FIG4: variants seen among roughly 807,000 people sequenced by gnomAD.
FIG4 encodes polyphosphoinositide phosphatase.
In FIG4, 112 loss-of-function variants were observed where a neutral mutation model predicts 118.6. That is an observed-to-expected ratio of 0.94 (90% confidence interval 0.81 to 1.11). The LOEUF is 1.11. Among genes scored for constraint, FIG4 ranks in the 50% least tolerant of loss-of-function variants. The pLI is 0.00. For missense variants in FIG4, 969 were observed against 1,111.7 expected (o/e 0.87, Z 1.83); for synonymous variants, 369 against 381.2 (o/e 0.97, Z 0.37).
intron 1 of FIG4, among the ~76,000 whole-genome samples, chr6:109,710,689 T>C (rs1271485406): frequency 1.3e-5 from 2 of 152,212 alleles, no homozygotes; most frequent in Admixed American, 1.3e-4. Context: ...ATTGAGTTTC[T>C]TCTTGGTTCA....
chr6:109,758,714 C>A (rs891869853), intron 10 of FIG4, among the ~76,000 whole-genome samples: 2 of 152,158 alleles, frequency 1.3e-5, no homozygotes, highest in African/African-American at 2.4e-5. Context: ...CTCCATCTCA[C>A]AAAGGGCTAC....
intron 9 of FIG4, 73 bp downstream of exon 9, chr6:109,743,345 T>C (rs1776384287): frequency 1.4e-6 from 2 of 1,459,006 alleles, no homozygotes; most frequent in East Asian, 2.3e-5. Flanking sequence ...GTCACAGAAA[T>C]CTCATAAATG....
At chr6:109,783,422 C>T (rs1175935182) in intron 16 of FIG4, among the ~76,000 whole-genome samples, 6 of 152,194 alleles carry the variant, frequency 3.9e-5, no homozygotes, top group Non-Finnish European at 7.3e-5. Flanking sequence ...CTTGTAGAGA[C>T]GCTCTAGCGC....
At chr6:109,712,108 T>A (rs2128380690) in intron 1 of FIG4, among the ~76,000 whole-genome samples, 1 of 152,354 alleles carries the variant, frequency 6.6e-6, no homozygotes, top group South Asian at 2.1e-4. Context: ...CTTTTAGGGC[T>A]TCAGCTGAGA....
At chr6:109,708,926 CTT>C (rs1775173930) in intron 1 of FIG4, among the ~76,000 whole-genome samples, 1 of 152,056 alleles carries the variant, frequency 6.6e-6, no homozygotes, top group African/African-American at 2.4e-5. Context: ...TGTTTACTCT[CTT>C]GATAGTTTAT....
At chr6:109,775,925 T>A (rs1777604090) in intron 15 of FIG4, among the ~76,000 whole-genome samples, 1 of 152,214 alleles carries the variant, frequency 6.6e-6, no homozygotes, top group Admixed American at 6.5e-5. Flanking sequence ...CTATAACTGT[T>A]GGAAGAAAAT....
chr6:109,793,183 A>G (rs936399365), intron 21 of FIG4, among the ~76,000 whole-genome samples: 13 of 152,248 alleles, frequency 8.5e-5, no homozygotes, highest in Non-Finnish European at 1.6e-4. Flanking sequence ...TGCACTGCTC[A>G]TATGTAAACT....
intron 22 of FIG4, among the ~76,000 whole-genome samples, chr6:109,805,630 G>A (rs181847100): frequency 2.6e-5 from 4 of 152,244 alleles, no homozygotes; most frequent in Admixed American, 2.6e-4. Flanking sequence ...ATCCTGAAAT[G>A]TCTGAATAAA....
intron 9 of FIG4, 63 bp from the exon 10 acceptor site, chr6:109,743,612 T>C: frequency 7.9e-7 from 1 of 1,260,532 alleles, no homozygotes; most frequent in South Asian, 1.2e-5. Flanking sequence ...AACAACCCTA[T>C]GCTTCTTTTA....
chr6:109,693,571 C>T (rs760121697), intron 1 of FIG4, among the ~76,000 whole-genome samples: 3 of 152,118 alleles, frequency 2.0e-5, no homozygotes, highest in Non-Finnish European at 4.4e-5. Context: ...CTAGGGGAGC[C>T]ATTGCATGGT....
At chr6:109,745,536 A>G (rs193292084) in intron 10 of FIG4, among the ~76,000 whole-genome samples, 1 of 152,284 alleles carries the variant, frequency 6.6e-6, no homozygotes, top group African/African-American at 2.4e-5. Flanking sequence ...GATTCTGGAT[A>G]GTAGCCCTTT....
At chr6:109,821,352 C>T (rs925728529) in intron 22 of FIG4, among the ~76,000 whole-genome samples, 1 of 152,136 alleles carries the variant, frequency 6.6e-6, no homozygotes, top group Non-Finnish European at 1.5e-5. Flanking sequence ...CTCTGCAAAA[C>T]TAATTTTGCA....
At chr6:109,807,117 A>G (rs2128399937) in intron 22 of FIG4, among the ~76,000 whole-genome samples, 1 of 152,356 alleles carries the variant, frequency 6.6e-6, no homozygotes, top group Non-Finnish European at 1.5e-5. Context: ...TCCTTTGGGT[A>G]CATACCCAAT....
intron 22 of FIG4, among the ~76,000 whole-genome samples, chr6:109,811,593 T>C (rs2128400523): frequency 6.6e-6 from 1 of 152,294 alleles, no homozygotes; most frequent in South Asian, 2.1e-4. Flanking sequence ...GGGGACATAG[T>C]AGAAAACAAG....
At chr6:109,752,808 T>C (rs1013458850) in intron 10 of FIG4, among the ~76,000 whole-genome samples, 1 of 152,200 alleles carries the variant, frequency 6.6e-6, no homozygotes, top group Non-Finnish European at 1.5e-5. Flanking sequence ...ACTCTGATGG[T>C]AGTTTCTTTT....
intron 6 of FIG4, among the ~76,000 whole-genome samples, chr6:109,737,698 G>T (rs180967215): frequency 2.0e-5 from 3 of 152,136 alleles, no homozygotes; most frequent in African/African-American, 7.2e-5. Flanking sequence ...CATTTATCTG[G>T]ATATGCTAAA....
At chr6:109,715,738 A>G (rs1472428418) in intron 2 of FIG4, among the ~76,000 whole-genome samples, 8 of 152,184 alleles carry the variant, frequency 5.3e-5, no homozygotes, top group Non-Finnish European at 7.3e-5. Flanking sequence ...GTGAAATACT[A>G]TATGGTGGTT....
At chr6:109,726,101 T>C (rs1775802424) in intron 3 of FIG4, among the ~76,000 whole-genome samples, 1 of 148,552 alleles carries the variant, frequency 6.7e-6, no homozygotes, top group African/African-American at 2.4e-5. Context: ...CTCTTTAGTT[T>C]AATTAAATCC....
At chr6:109,735,697 T>C (rs1392869680) in intron 6 of FIG4, among the ~76,000 whole-genome samples, 1 of 152,128 alleles carries the variant, frequency 6.6e-6, no homozygotes, top group Non-Finnish European at 1.5e-5. Flanking sequence ...AGAGTTACCA[T>C]GGGTTGCCTA....
Sources: gnomAD v4.1 joint callset for allele counts (sites outside exome capture counted in the v4.1 genomes callset) on GRCh38, gnomAD v4.1.1 for gene constraint, MANE v1.5 for transcripts, NCBI Gene and HGNC (gene_info 2026-07-23, HGNC 2026-07-21) for gene names.